GMPR: variants seen among roughly 807,000 people sequenced by gnomAD.
GMPR encodes the protein GMP reductase 1.
A neutral mutation model predicts 38.4 loss-of-function variants in GMPR; 31 were observed. The ratio of observed to expected loss-of-function variants is 0.81; its 90% CI spans 0.61 to 1.09. The LOEUF (loss-of-function observed/expected upper bound fraction) is 1.09, where lower values mean the gene tolerates loss of function less well. GMPR is among the 50% of genes least tolerant of loss of function. The pLI is 0.00. For synonymous variants in GMPR, 162 were observed against 173.3 expected (o/e 0.93, Z 0.51); for missense variants, 468 against 453.7 (o/e 1.03, Z -0.29).
intron 6 of GMPR, among the ~76,000 whole-genome samples, 181 bp from the exon 7 acceptor site, chr6:16,285,612 A>G (rs1759663400): frequency 1.3e-5 from 2 of 152,180 alleles, no homozygotes; most frequent in African/African-American, 4.8e-5. Flanking sequence ...TGAAAGGTGC[A>G]ATATTGAGGG....
intron 6 of GMPR, among the ~76,000 whole-genome samples, chr6:16,281,872 TG>T (rs1759580738): frequency 6.6e-6 from 1 of 152,178 alleles, no homozygotes. Context: ...TCCATTTAGC[TG>T]GAAAAGCAAA....
intron 4 of GMPR, among the ~76,000 whole-genome samples, chr6:16,265,172 CA>C (rs1301576130): frequency 1.3e-5 from 2 of 152,232 alleles, no homozygotes; most frequent in African/African-American, 4.8e-5. Flanking sequence ...AGGGTGATCT[CA>C]AACTCCTGAC....
chr6:16,266,363 C>CA (rs1759225147), intron 4 of GMPR, among the ~76,000 whole-genome samples: 1 of 114,482 alleles, frequency 8.7e-6, no homozygotes, highest in African/African-American at 3.2e-5. Context: ...CTGTAACACT[C>CA]ACTGTGAAAA....
At chr6:16,271,640 A>G (rs1434500224) in intron 4 of GMPR, among the ~76,000 whole-genome samples, 3 of 152,144 alleles carry the variant, frequency 2.0e-5, no homozygotes, top group Non-Finnish European at 2.9e-5. Flanking sequence ...TCTGTCAGGG[A>G]CAGAGCTCAT....
intron 1 of GMPR, among the ~76,000 whole-genome samples, chr6:16,242,753 C>A (rs1231272096): frequency 1.3e-5 from 2 of 152,168 alleles, no homozygotes; most frequent in Non-Finnish European, 2.9e-5. Flanking sequence ...ATTCTCCTGC[C>A]TCAGCCTCCC....
At chr6:16,273,171 T>TGG (rs1759414016) in intron 4 of GMPR, among the ~76,000 whole-genome samples, 1 of 152,160 alleles carries the variant, frequency 6.6e-6, no homozygotes, top group African/African-American at 2.4e-5. Context: ...CCTCATCACC[T>TGG]TTTCCCCACA....
rs769258213 is a variant in GMPR, at chr6:16,285,825, C to T, written c.687C>T (p.Ala229=). Residue 229 remains alanine (A), a synonymous_variant, in exon 7 of 9, where the codon GCC becomes GCT. Coordinates refer to ENST00000259727, the MANE Select transcript of GMPR (RefSeq NM_006877.4). ...DGGCTCPGDV[A]KAFGAGADFV... ...GCTGTACGTGTCCAGGGGATGTCGC[C>T]AAAGCCTTTGGTAAGGCCGGGCCCT... 6.2e-7 allele frequency: 1 copy of T among 1,612,312 alleles called. No homozygotes were observed. The highest frequency in any genetic ancestry group is 1.1e-5 in the South Asian group (1 of 90,684).
intron 6 of GMPR, among the ~76,000 whole-genome samples, chr6:16,285,152 A>G (rs1216729901): frequency 6.6e-6 from 1 of 151,876 alleles, no homozygotes. Context: ...TGGGCAGCCC[A>G]AGATAACAGA....
chr6:16,277,393 G>C (rs967379672), intron 5 of GMPR, among the ~76,000 whole-genome samples: 28 of 152,162 alleles, frequency 1.8e-4, no homozygotes, highest in African/African-American at 6.3e-4. Flanking sequence ...CCGGAGATTA[G>C]GCTGCGCCTC....
chr6:16,254,457 G>A (rs1381106590), intron 3 of GMPR, 105 bp from the exon 4 acceptor site: 17 of 934,382 alleles, frequency 1.8e-5, no homozygotes, highest in South Asian at 4.4e-5. Context: ...AGGGTAGACC[G>A]AAAAGGGTTG....
intron 4 of GMPR, among the ~76,000 whole-genome samples, chr6:16,271,161 C>T (rs1235693571): frequency 2.6e-5 from 4 of 151,784 alleles, no homozygotes; most frequent in South Asian, 4.2e-4. Flanking sequence ...TCGCAGGTGG[C>T]GCCAGATTGG....
chr6:16,240,821 T>G (rs1281923767), intron 1 of GMPR, among the ~76,000 whole-genome samples: 1 of 152,184 alleles, frequency 6.6e-6, no homozygotes, highest in Non-Finnish European at 1.5e-5. Flanking sequence ...GAGGAGTCTC[T>G]TTTGTATTTT....
At chr6:16,278,709 A>G in intron 5 of GMPR, 75 bp from the exon 6 acceptor site, 1 of 1,015,812 alleles carries the variant, frequency 9.8e-7, no homozygotes, top group Non-Finnish European at 1.6e-6. Flanking sequence ...CTGCAAAGGT[A>G]AGGGGGACGC....
At chr6:16,268,964 A>C (rs952601450) in intron 4 of GMPR, among the ~76,000 whole-genome samples, 2 of 151,272 alleles carry the variant, frequency 1.3e-5, no homozygotes, top group African/African-American at 4.8e-5. Flanking sequence ...TGTACAGTTC[A>C]GTGGCACTAA....
intron 4 of GMPR, among the ~76,000 whole-genome samples, chr6:16,273,082 A>C (rs1759412561): frequency 6.6e-6 from 1 of 152,174 alleles, no homozygotes; most frequent in Admixed American, 6.5e-5. Context: ...TAATTCTTTA[A>C]TCTACCTCTA....
intron 2 of GMPR, among the ~76,000 whole-genome samples, chr6:16,249,972 G>A (rs1202020903): frequency 1.3e-5 from 2 of 152,078 alleles, no homozygotes; most frequent in Non-Finnish European, 2.9e-5. Flanking sequence ...TAATACAGGT[G>A]TGGGTGGGAG....
At position 16,289,125 on chromosome 6, in the gene GMPR, C is replaced by CACACTG. The variant is rs1392329922; in HGVS notation, c.698-1336_698-1331dup. ...TCTGTTGCTGCTCGGTCTTTAGGCC[C>CACACTG]ACACTGCTTTTATGAGCTGTGCTAT... On this transcript the variant is annotated intron_variant, in intron 7 of 8. Coordinates refer to ENST00000259727, the MANE Select transcript of GMPR (RefSeq NM_006877.4). Among the ~76,000 whole-genome samples, 3 of 152,284 alleles carry CACACTG rather than the reference C, an allele frequency of 2.0e-5. No individual in the cohort carries two copies. In the East Asian group the frequency reaches 5.8e-4, roughly 29 times the overall value.
At chr6:16,242,479 G>T (rs1174496436) in intron 1 of GMPR, among the ~76,000 whole-genome samples, 1 of 152,036 alleles carries the variant, frequency 6.6e-6, no homozygotes, top group African/African-American at 2.4e-5. Flanking sequence ...ATGTTGGCAG[G>T]GTTGATTCCT....
At chr6:16,289,309 T>A (rs1759776728) in intron 7 of GMPR, among the ~76,000 whole-genome samples, 1 of 152,158 alleles carries the variant, frequency 6.6e-6, no homozygotes, top group Admixed American at 6.5e-5. Flanking sequence ...ACCCACCAGT[T>A]CCGAACACAG....
Sources: gnomAD v4.1 joint callset for allele counts (sites outside exome capture counted in the v4.1 genomes callset) on GRCh38, gnomAD v4.1.1 for gene constraint, MANE v1.5 for transcripts, NCBI Gene and HGNC (gene_info 2026-07-23, HGNC 2026-07-21) for gene names.